Variants in KCNK18 observed in about 807,000 individuals in gnomAD.
KCNK18 encodes the protein potassium two pore domain channel subfamily K member 18.
A neutral mutation model predicts 11.8 loss-of-function variants in KCNK18; 8 were observed. That is an observed-to-expected ratio of 0.68 (90% CI 0.40 to 1.22). The LOEUF is 1.22. KCNK18 is among the 50% of genes most tolerant of loss of function. KCNK18 has a pLI of 0.01. For missense variants in KCNK18, 442 were observed against 465.4 expected (o/e 0.95, Z 0.46); for synonymous variants, 208 against 185.8 (o/e 1.12, Z -0.97).
chr10:117,206,738 A>G (rs1329716598), intron 2 of KCNK18, among the ~76,000 whole-genome samples: 3 of 151,948 alleles, frequency 2.0e-5, no homozygotes, highest in Non-Finnish European at 4.4e-5. Flanking sequence ...AAGTTAGAAA[A>G]CCATATCCCT....
intron 2 of KCNK18, among the ~76,000 whole-genome samples, chr10:117,202,857 C>T (rs1418508246): frequency 1.4e-5 from 2 of 146,830 alleles, no homozygotes; most frequent in African/African-American, 5.0e-5. Flanking sequence ...CTCACAGCCC[C>T]CACGTGGTTT....
In KCNK18 at chr10:117,210,075, G is replaced by C; in HGVS notation, c.931G>C (p.Glu311Gln). ...CTTCTGGGAGACACAGTTGGATTTCGAGAATGCCTTCTATTTCTGCTTTGT... is the reference window on the plus strand; with the variant it reads ...CTTCTGGGAGACACAGTTGGATTTCCAGAATGCCTTCTATTTCTGCTTTGT... ...LPFWETQLDF[E>Q]NAFYFCFVTL... Residue 311 changes from glutamate (E) to glutamine (Q), a missense_variant, in exon 3 of 3, where the codon GAG (glutamate) becomes CAG (glutamine). Physicochemically the swap from Glu to Gln is conservative, Grantham distance 29. Coordinates refer to ENST00000334549, the MANE Select transcript of KCNK18 (RefSeq NM_181840.1). The C allele has an allele frequency of 1.2e-6, 2 of 1,614,150 alleles. No individual in the cohort carries two copies. Among genetic ancestry groups the C allele is most frequent in the Non-Finnish European group, 1.7e-6 (2 of 1,180,036 alleles).
intron 1 of KCNK18, among the ~76,000 whole-genome samples, chr10:117,197,978 T>A (rs368965717): frequency 6.6e-6 from 1 of 152,138 alleles, no homozygotes; most frequent in Non-Finnish European, 1.5e-5. Flanking sequence ...CCAGCTCCCC[T>A]TCCTGTGCCT....
At chr10:117,209,443 G>T in intron 2 of KCNK18, 54 bp from the exon 3 acceptor site, 14 of 1,443,324 alleles carry the variant, frequency 9.7e-6, no homozygotes, top group Non-Finnish European at 1.3e-5. Flanking sequence ...AAGCTTTTGG[G>T]GGGAAAAAGG....
intron 2 of KCNK18, among the ~76,000 whole-genome samples, chr10:117,207,729 G>T (rs571607703): frequency 1.3e-5 from 2 of 152,282 alleles, no homozygotes; most frequent in East Asian, 3.9e-4. Flanking sequence ...CAACCTGAAT[G>T]CCCACCTGCT....
intron 2 of KCNK18, among the ~76,000 whole-genome samples, chr10:117,202,289 C>CT (rs1426295850): frequency 6.6e-6 from 1 of 152,226 alleles, no homozygotes; most frequent in Non-Finnish European, 1.5e-5. Flanking sequence ...AAAAGCACTT[C>CT]TAGACCTGCC....
intron 1 of KCNK18, among the ~76,000 whole-genome samples, chr10:117,199,137 G>A (rs1854984523): frequency 6.6e-6 from 1 of 152,152 alleles, no homozygotes; most frequent in African/African-American, 2.4e-5. Flanking sequence ...TGGGCAACAA[G>A]GTGAGACCCT....
rs748481119 is a variant in KCNK18 at position 117,197,587 on chromosome 10, C to T, written c.99C>T (p.Tyr33=). The change falls in exon 1 of 3, where the codon TAC becomes TAT. Residue 33 remains tyrosine (Y), a synonymous_variant. Coordinates refer to ENST00000334549, the MANE Select transcript of KCNK18 (RefSeq NM_181840.1). ...GCTTCCTCTGCTTTCTGGTGACCTA[C>T]GCCCTGGTGGGTGCTGTGGTCTTCT... The part of the protein sequence containing the change: ...GLCFLCFLVT[Y]ALVGAVVFSA... 2.8e-5 allele frequency: 45 copies of T among 1,614,122 alleles called. No individual in the cohort carries two copies. Among genetic ancestry groups the T allele is most frequent in the Middle Eastern group, 3.3e-4 (2 of 6,084 alleles).
At chr10:117,207,336 G>A (rs2803828) in intron 2 of KCNK18, among the ~76,000 whole-genome samples, 87 of 152,178 alleles carry the variant, frequency 5.7e-4, no homozygotes, top group Non-Finnish European at 1.1e-3. Context: ...GCTTAGGATA[G>A]GTGCCTTTGT....
chr10:117,204,791 C>T (rs1465511959), intron 2 of KCNK18, among the ~76,000 whole-genome samples: 1 of 152,160 alleles, frequency 6.6e-6, no homozygotes, highest in Non-Finnish European at 1.5e-5. Flanking sequence ...CATGTGTGGA[C>T]CCTGCCCTAG....
intron 2 of KCNK18, among the ~76,000 whole-genome samples, chr10:117,205,855 G>C (rs1029993112): frequency 3.3e-5 from 5 of 152,180 alleles, no homozygotes; most frequent in Admixed American, 3.3e-4. Context: ...TTCGAGGCCA[G>C]CCTGGCCAAC....
At chr10:117,206,796 G>T (rs1205493497) in intron 2 of KCNK18, among the ~76,000 whole-genome samples, 1 of 152,182 alleles carries the variant, frequency 6.6e-6, no homozygotes, top group Non-Finnish European at 1.5e-5. Flanking sequence ...CTCCAAGCTT[G>T]GTAAGTGCAC....
intron 1 of KCNK18, among the ~76,000 whole-genome samples, chr10:117,199,378 GA>G (rs1169179001): frequency 6.6e-6 from 1 of 152,116 alleles, no homozygotes; most frequent in Non-Finnish European, 1.5e-5. Context: ...CAGGGTATGG[GA>G]ACACAGAGCT....
intron 2 of KCNK18, among the ~76,000 whole-genome samples, chr10:117,204,314 C>G (rs1382852814): frequency 2.6e-5 from 4 of 151,530 alleles, no homozygotes; most frequent in African/African-American, 9.7e-5. Context: ...TCAGATGCAT[C>G]TGAGGCAGGA....
chr10:117,209,413 G>T, intron 2 of KCNK18, 84 bp from the exon 3 acceptor site: 1 of 1,066,850 alleles, frequency 9.4e-7, no homozygotes, highest in Admixed American at 1.7e-5. Context: ...AAGGAGGGGA[G>T]ATGGCAGAAG....
Position 117,197,539 on chromosome 10 carries a change from G to C in KCNK18, c.51G>C (p.Leu17=). The C allele has an allele frequency of 6.2e-7, 1 of 1,614,150 alleles. No individual in the cohort carries two copies. Among genetic ancestry groups the C allele is most frequent in the East Asian group, 2.2e-5 (1 of 44,878 alleles). The change falls in exon 1 of 3, where the codon CTG becomes CTC. Residue 17 remains leucine, a synonymous_variant. Coordinates refer to ENST00000334549, the MANE Select transcript of KCNK18 (RefSeq NM_181840.1). ...CCAGGAGATGCTGCCCAGAGGCCCT[G>C]GGAAAGCTCTTCCCTGGCCTCTGCT... ...PQARRCCPEA[L]GKLFPGLCFL... is the part of the protein sequence containing the mutation.
intron 2 of KCNK18, among the ~76,000 whole-genome samples, chr10:117,204,145 C>T (rs1855048333): frequency 6.6e-6 from 1 of 151,882 alleles, no homozygotes; most frequent in Non-Finnish European, 1.5e-5. Context: ...ACCTGTAGTC[C>T]CTGCTACTCA....
intron 2 of KCNK18, 43 bp downstream of exon 2, chr10:117,201,330 G>T (rs1302327107): frequency 6.2e-7 from 1 of 1,606,956 alleles, no homozygotes; most frequent in African/African-American, 1.3e-5. Flanking sequence ...GCCCTGTGAA[G>T]GGTGGGTTTC....
rs1377891907 is a variant in KCNK18 at position 117,209,794 on chromosome 10, G to A, written c.650G>A (p.Cys217Tyr). ...EELPGPKLGT[C>Y]PSRPSCSMEL... Reference sequence around the variant, plus strand: ...CTTCCAGGCCCCAAACTTGGCACATGTCCTTCACGCCCAAGCTGCAGCATG... The same window carrying A: ...CTTCCAGGCCCCAAACTTGGCACATATCCTTCACGCCCAAGCTGCAGCATG... The change falls in exon 3 of 3, where the codon TGT becomes TAT. Residue 217 changes from cysteine to tyrosine, a missense_variant. By Grantham distance (194) the Cys-to-Tyr change is radical. Transcript: ENST00000334549. The A allele has an allele frequency of 3.1e-6, 5 of 1,614,104 alleles. No homozygotes were observed. The highest frequency in any genetic ancestry group is 4.2e-6 in the Non-Finnish European group (5 of 1,180,042).
Sources: gnomAD v4.1 joint callset for allele counts (sites outside exome capture counted in the v4.1 genomes callset) on GRCh38, gnomAD v4.1.1 for gene constraint, MANE v1.5 for transcripts, NCBI Gene and HGNC (gene_info 2026-07-23, HGNC 2026-07-21) for gene names.